Variants in RAD54L2 observed in about 807,000 individuals in gnomAD.
The protein encoded by RAD54L2 is helicase ARIP4.
A neutral mutation model predicts 138.4 loss-of-function variants in RAD54L2; 27 were observed. That is an observed-to-expected ratio of 0.20 (90% confidence interval 0.14 to 0.27). The LOEUF (loss-of-function observed/expected upper bound fraction) is 0.27, where lower values mean the gene tolerates loss of function less well. Ranked by LOEUF, RAD54L2 falls within the 10% of genes least tolerant of loss-of-function variation. The pLI, the probability that RAD54L2 is intolerant of heterozygous loss-of-function variation, is 1.00. For missense variants in RAD54L2, 1,396 were observed against 1,890.2 expected, an observed-to-expected ratio of 0.74 and a Z score of 4.85; for synonymous variants, 644 against 723.2, an observed-to-expected ratio of 0.89 and a Z score of 1.76.
chr3:51,630,572 T>C, intron 6 of RAD54L2, 133 bp from the exon 7 acceptor site: 5 of 986,170 alleles, frequency 5.1e-6, no homozygotes, highest in East Asian at 2.6e-5. Flanking sequence ...AAGAGAGAAA[T>C]AGTAAAAGTC....
At chr3:51,624,489 G>C (rs1700634582) in intron 3 of RAD54L2, among the ~76,000 whole-genome samples, 2 of 151,942 alleles carry the variant, frequency 1.3e-5, no homozygotes, top group South Asian at 4.2e-4. Context: ...CAAACTCCTG[G>C]GCTCAAGCAA....
intron 3 of RAD54L2, among the ~76,000 whole-genome samples, chr3:51,620,855 C>G (rs959804411): frequency 6.6e-6 from 1 of 152,162 alleles, no homozygotes; most frequent in Admixed American, 6.5e-5. Context: ...CATTTGTTGT[C>G]TGTCAAAGCA....
intron 3 of RAD54L2, among the ~76,000 whole-genome samples, chr3:51,601,693 C>T (rs139271283): frequency 2.9e-4 from 44 of 152,034 alleles, no homozygotes; most frequent in African/African-American, 8.2e-4. Context: ...ATCTGCCCTC[C>T]TCGGCCTCCC....
chr3:51,637,499 C>T lies in RAD54L2; in HGVS notation c.1678C>T (p.Gln560Ter). ...GCACAGTCTTCTGGAGGGCTTTGTG[C>T]AGAGGTGAGCCATCCTCAGGGTCCT... ...VLHSLLEGFVQRRGHTVLKIH... is the reference protein window; with the variant it reads ...VLHSLLEGFV Residue 560 changes from glutamine (Q) to a stop codon, truncating the protein, a stop_gained, in exon 11 of 23, where the codon CAG becomes TAG. Transcript: ENST00000684192. LOFTEE classifies it high-confidence loss of function. This position sits in a 1 kb window ranked among gnomAD's most constrained non-coding sequence, Gnocchi z 5.9. 6.2e-7 allele frequency: 1 copy of T among 1,607,686 alleles called. No homozygotes were observed. Among genetic ancestry groups the T allele is most frequent in the South Asian group, 1.1e-5 (1 of 90,464 alleles).
Position 51,637,580 on chromosome 3 carries a change from A to T in RAD54L2, c.1682+77A>T. The T allele has an allele frequency of 7.1e-7, 1 of 1,413,226 alleles. No homozygotes were observed. The highest frequency in any genetic ancestry group is 1.4e-5 in the South Asian group (1 of 73,862). The allele number at this position is 1,413,226 out of a possible 1,614,324, so 87.5% of individuals were successfully genotyped here. A position where few individuals can be genotyped will look rare whatever the true frequency, so the allele number is the denominator to read the frequency against. On this transcript the variant is annotated intron_variant, in intron 11 of 22. Transcript: ENST00000684192. The surrounding 1 kb of genome is among the most constrained non-coding windows in gnomAD (Gnocchi z 5.9). The stretch of plus-strand genomic sequence containing the variant: ...CAAGGGCATGCCAAACCTGTTATAC[A>T]GGATAGGGTGTTGGAGTAGGAGGGC...
At chr3:51,641,992 A>G (rs1034807294) in intron 15 of RAD54L2, 125 bp downstream of exon 15, 4 of 704,688 alleles carry the variant, frequency 5.7e-6, no homozygotes, top group African/African-American at 5.4e-5. Context: ...TTAGTCAAGG[A>G]GCAGGGGGAT....
rs763645349 is a variant in RAD54L2 at position 51,663,390 on chromosome 3, CGAT to C, written c.4379_4381del (p.Asp1460del). ...GCTCCAATGATGATGAGGATAAAGACGATGATGTGATAGAGGTCACTGGGAAAT... is the reference window on the plus strand; with the variant it reads ...GCTCCAATGATGATGAGGATAAAGACGATGTGATAGAGGTCACTGGGAAAT... On this transcript the variant is annotated inframe_deletion, in exon 23 of 23. Transcript: ENST00000684192. 5 of 1,613,350 alleles carry C rather than the reference CGAT, an allele frequency of 3.1e-6. No individual in the cohort carries two copies. The highest frequency in any genetic ancestry group is 4.2e-6 in the Non-Finnish European group (5 of 1,179,670).
chr3:51,566,967 C>T (rs952643871), intron 2 of RAD54L2, among the ~76,000 whole-genome samples: 4 of 152,116 alleles, frequency 2.6e-5, no homozygotes, highest in Non-Finnish European at 2.9e-5. Context: ...ATGTTGTCTT[C>T]TGTATTGGCT....
At chr3:51,573,540 G>A (rs1387596245) in intron 2 of RAD54L2, among the ~76,000 whole-genome samples, 1 of 151,898 alleles carries the variant, frequency 6.6e-6, no homozygotes, top group African/African-American at 2.4e-5. Context: ...GGGTTCAAAT[G>A]ATTATTCTGT....
At chr3:51,655,876 G>A in intron 19 of RAD54L2, 95 bp from the exon 20 acceptor site, 2 of 1,086,506 alleles carry the variant, frequency 1.8e-6, no homozygotes, top group South Asian at 1.7e-5. Context: ...AACTGATGGT[G>A]TAGAATGGGG....
chr3:51,591,493 A>G (rs371862463), intron 3 of RAD54L2, among the ~76,000 whole-genome samples: 1 of 152,122 alleles, frequency 6.6e-6, no homozygotes, highest in Non-Finnish European at 1.5e-5. Context: ...GGTGTTTACT[A>G]TCTTCAGTTC....
chr3:51,578,449 A>T (rs985239920), intron 2 of RAD54L2, among the ~76,000 whole-genome samples: 3 of 152,190 alleles, frequency 2.0e-5, no homozygotes, highest in Non-Finnish European at 4.4e-5. Flanking sequence ...TGGCCAAGGG[A>T]GAGGAGATAG....
At chr3:51,539,397 G>A (rs1577374795) in intron 1 of RAD54L2, among the ~76,000 whole-genome samples, 1 of 152,184 alleles carries the variant, frequency 6.6e-6, no homozygotes, top group Admixed American at 6.6e-5. Flanking sequence ...GGCAGAAGAG[G>A]CATTGAGAGT....
chr3:51,606,722 C>G (rs1460354741), intron 3 of RAD54L2, among the ~76,000 whole-genome samples: 1 of 151,702 alleles, frequency 6.6e-6, no homozygotes, highest in Non-Finnish European at 1.5e-5. Context: ...TTGCTGTGTC[C>G]CTCAGTCTGG....
chr3:51,582,397 C>T (rs1329062210), intron 2 of RAD54L2, among the ~76,000 whole-genome samples: 1 of 152,026 alleles, frequency 6.6e-6, no homozygotes, highest in Non-Finnish European at 1.5e-5. Context: ...CTCTTCTTAT[C>T]ACCTTCATTT....
chr3:51,581,039 T>C (rs1468828235), intron 2 of RAD54L2, among the ~76,000 whole-genome samples: 5 of 152,190 alleles, frequency 3.3e-5, no homozygotes, highest in Non-Finnish European at 7.3e-5. Context: ...CATGTAGGTG[T>C]AGCTATTTTA....
At position 51,542,624 on chromosome 3, in the gene RAD54L2, C is replaced by T. The variant is rs565098151; in HGVS notation, c.-55+974C>T. Among the ~76,000 whole-genome samples the T allele has an allele frequency of 1.9e-4, 29 of 152,110 alleles. 1 individual carries two copies. The South Asian group carries it at 5.4e-3, about 28-fold the overall frequency. On this transcript the variant is annotated intron_variant, in intron 2 of 22. Transcript: ENST00000684192. ...GACTACAGGCGCCTGCCACCACACCCGGCTAATTTTTTGTATTTTTAGTAG... is the reference window on the plus strand; with the variant it reads ...GACTACAGGCGCCTGCCACCACACCTGGCTAATTTTTTGTATTTTTAGTAG...
At chr3:51,562,990 A>G (rs1183527133) in intron 2 of RAD54L2, among the ~76,000 whole-genome samples, 1 of 151,974 alleles carries the variant, frequency 6.6e-6, no homozygotes, top group Non-Finnish European at 1.5e-5. Context: ...TGCCTACCCC[A>G]TTCCCTGGAC....
intron 3 of RAD54L2, among the ~76,000 whole-genome samples, chr3:51,614,762 C>T (rs1312571837): frequency 6.6e-6 from 1 of 152,122 alleles, no homozygotes; most frequent in Admixed American, 6.6e-5. Context: ...ATCTTCCTCT[C>T]TTGGCCTTCC....
Sources: allele counts gnomAD v4.1 joint callset (sites outside exome capture counted in the v4.1 genomes callset), GRCh38; gene constraint gnomAD v4.1.1; non-coding constraint Gnocchi (gnomAD v3.1); transcripts MANE v1.5; gene names NCBI Gene and HGNC (gene_info 2026-07-23, HGNC 2026-07-21).